Variants in CNTNAP2 observed in about 807,000 individuals in gnomAD.
CNTNAP2 encodes the protein contactin-associated protein-like 2.
In CNTNAP2, 98 loss-of-function variants were observed where a neutral mutation model predicts 155.2. The observed-to-expected ratio is 0.63, with a 90% CI of 0.54 to 0.75. The LOEUF (loss-of-function observed/expected upper bound fraction) is 0.75. Among genes scored for constraint, CNTNAP2 ranks in the 30% least tolerant of loss-of-function variants. The pLI is 0.00. For missense variants in CNTNAP2, 1,727 were observed against 1,688.1 expected (o/e 1.02, Z -0.40); for synonymous variants, 651 against 631.2 (o/e 1.03, Z -0.47).
intron 1 of CNTNAP2, among the ~76,000 whole-genome samples, chr7:146,465,834 A>T (rs1796709642): frequency 6.6e-6 from 1 of 152,200 alleles, no homozygotes; most frequent in South Asian, 2.1e-4. Context: ...TTTGGCTAAG[A>T]CACTAAGAAT....
intron 8 of CNTNAP2, among the ~76,000 whole-genome samples, chr7:147,246,549 C>A (rs916576246): frequency 1.3e-5 from 2 of 152,120 alleles, no homozygotes; most frequent in Non-Finnish European, 2.9e-5. Flanking sequence ...CAAGCCAATT[C>A]TCTGGGCCTC....
At chr7:146,193,552 G>A (rs1278249648) in intron 1 of CNTNAP2, among the ~76,000 whole-genome samples, 2 of 152,188 alleles carry the variant, frequency 1.3e-5, no homozygotes, top group Non-Finnish European at 1.5e-5. Flanking sequence ...GGCTGGAGCA[G>A]CTGGGGCAGA....
chr7:146,617,726 T>C (rs1799249392), intron 1 of CNTNAP2, among the ~76,000 whole-genome samples: 1 of 152,202 alleles, frequency 6.6e-6, no homozygotes. Flanking sequence ...AAATGTAGAA[T>C]TTTGAAACAG....
chr7:146,332,219 A>G (rs1801199626), intron 1 of CNTNAP2, among the ~76,000 whole-genome samples: 1 of 151,946 alleles, frequency 6.6e-6, no homozygotes, highest in South Asian at 2.1e-4. Context: ...GGCCCAAAGT[A>G]ACTCAAACTG....
chr7:148,075,656 A>G (rs546897097), intron 15 of CNTNAP2, among the ~76,000 whole-genome samples: 1 of 152,312 alleles, frequency 6.6e-6, no homozygotes, highest in East Asian at 1.9e-4. Context: ...AAAGAGATAG[A>G]ACAACATGGT....
chr7:146,926,311 G>C (rs899794050), intron 3 of CNTNAP2, among the ~76,000 whole-genome samples: 35 of 151,616 alleles, frequency 2.3e-4, no homozygotes, highest in African/African-American at 8.0e-4. Context: ...TTCTTGAAAA[G>C]GATACTCTTC....
chr7:148,298,115 G>T (rs781206314), intron 21 of CNTNAP2, among the ~76,000 whole-genome samples: 1 of 152,228 alleles, frequency 6.6e-6, no homozygotes, highest in East Asian at 1.9e-4. Context: ...GCCCTAAATG[G>T]CATTTACGTG....
At chr7:146,133,491 G>A (rs1369824261) in intron 1 of CNTNAP2, among the ~76,000 whole-genome samples, 1 of 152,126 alleles carries the variant, frequency 6.6e-6, no homozygotes, top group African/African-American at 2.4e-5. Context: ...CCTTGCCCAT[G>A]CCTATGTCCT....
chr7:147,447,502 G>A (rs897011358), intron 10 of CNTNAP2, among the ~76,000 whole-genome samples: 6 of 152,190 alleles, frequency 3.9e-5, no homozygotes, highest in Middle Eastern at 3.4e-3. Context: ...TGCAACCTCC[G>A]CCTCCTGGGT....
intron 1 of CNTNAP2, among the ~76,000 whole-genome samples, chr7:146,455,527 G>T (rs1584933430): frequency 6.6e-6 from 1 of 152,110 alleles, no homozygotes; most frequent in Admixed American, 6.5e-5. Flanking sequence ...TCAGGCATCT[G>T]GTTAAGGACA....
At chr7:146,923,646 T>C (rs1466020110) in intron 3 of CNTNAP2, among the ~76,000 whole-genome samples, 1 of 152,182 alleles carries the variant, frequency 6.6e-6, no homozygotes, top group Non-Finnish European at 1.5e-5. Context: ...ACAGTATTAT[T>C]GTTTGGCTGC....
In CNTNAP2 at chr7:146,979,880, T is replaced by C. The variant is rs187499765; in HGVS notation, c.403-64027T>C. 2.8e-4 allele frequency among the ~76,000 whole-genome samples: 42 copies of C among 152,350 alleles called. 1 individual carries two copies. The East Asian group carries it at 6.9e-3, about 25-fold the overall frequency. On this transcript the variant is annotated intron_variant, in intron 3 of 23. Transcript: ENST00000361727. ...TATAAATCAGATGATGAAGGTATAA[T>C]ATTTTCACATGTTTTGTTAATATTT... is the stretch of plus-strand genomic sequence containing the variant.
intron 1 of CNTNAP2, among the ~76,000 whole-genome samples, chr7:146,564,578 A>T (rs1798329045): frequency 6.7e-6 from 1 of 148,620 alleles, no homozygotes; most frequent in Non-Finnish European, 1.5e-5. Flanking sequence ...GCAACATGTA[A>T]TATTATATAG....
intron 18 of CNTNAP2, among the ~76,000 whole-genome samples, chr7:148,183,733 CA>C (rs1467389603): frequency 1.3e-5 from 2 of 152,112 alleles, no homozygotes; most frequent in Non-Finnish European, 2.9e-5. Flanking sequence ...GCTCCCACCT[CA>C]GCCTCCCAAA....
chr7:146,129,184 C>T (rs559307162), intron 1 of CNTNAP2, among the ~76,000 whole-genome samples: 2 of 152,174 alleles, frequency 1.3e-5, no homozygotes, highest in South Asian at 4.1e-4. Flanking sequence ...TAATCACCCA[C>T]GTATCAATTT....
intron 1 of CNTNAP2, among the ~76,000 whole-genome samples, chr7:146,235,225 CTT>C (rs879410253): frequency 6.9e-6 from 1 of 145,020 alleles, no homozygotes. Context: ...TTTCTACATC[CTT>C]TTTTTTTTTT....
At chr7:147,274,085 A>G (rs752646755) in intron 8 of CNTNAP2, among the ~76,000 whole-genome samples, 1 of 151,656 alleles carries the variant, frequency 6.6e-6, no homozygotes, top group Non-Finnish European at 1.5e-5. Context: ...TTCTTTTCCT[A>G]GTCATCTGTT....
At chr7:146,490,911 T>A (rs1797129020) in intron 1 of CNTNAP2, among the ~76,000 whole-genome samples, 1 of 152,214 alleles carries the variant, frequency 6.6e-6, no homozygotes, top group Non-Finnish European at 1.5e-5. Flanking sequence ...TTTGTAATGG[T>A]GACTTTACTG....
intron 13 of CNTNAP2, among the ~76,000 whole-genome samples, chr7:147,857,201 G>T (rs1799054260): frequency 6.6e-6 from 1 of 152,140 alleles, no homozygotes; most frequent in African/African-American, 2.4e-5. Context: ...AGGTTAATCA[G>T]GATGTTTCCT....
Sources: allele counts gnomAD v4.1 joint callset (sites outside exome capture counted in the v4.1 genomes callset), GRCh38; gene constraint gnomAD v4.1.1; transcripts MANE v1.5; gene names NCBI Gene and HGNC (gene_info 2026-07-23, HGNC 2026-07-21).